The following EIF1AD variants were observed in gnomAD, a reference collection of about 807,000 sequenced individuals.
EIF1AD encodes the protein eukaryotic translation initiation factor 1A domain containing.
EIF1AD carries 9 observed loss-of-function variants against 21.7 expected under a neutral mutation model. The ratio of observed to expected loss-of-function variants is 0.41; its 90% CI spans 0.25 to 0.72. The LOEUF (loss-of-function observed/expected upper bound fraction) is 0.72, where lower values mean the gene tolerates loss of function less well. Among genes scored for constraint, EIF1AD ranks in the 30% least tolerant of loss-of-function variants. The probability of loss-of-function intolerance (pLI) is 0.29; values close to 1 mark genes in which losing one functional copy is unlikely to be tolerated. For synonymous variants in EIF1AD, 78 were observed against 70.9 expected (o/e 1.10, Z -0.50); for missense variants, 164 against 199.7 (o/e 0.82, Z 1.08).
chr11:65,999,407 G>C lies in EIF1AD; in HGVS notation c.306-10C>G. On this transcript the variant is annotated splice_polypyrimidine_tract_variant and intron_variant, in intron 4 of 5. Transcript: ENST00000533544. ...AGAGAAGGCCTCAGGCCTATGCCAA[G>C]AGATGAGCCAAAGTCAGAAAGGACA... 6.2e-7 allele frequency: 1 copy of C among 1,614,248 alleles called. No individual in the cohort carries two copies. Among genetic ancestry groups the C allele is most frequent in the Non-Finnish European group, 8.5e-7 (1 of 1,180,048 alleles).
At position 65,997,288 on chromosome 11, in the gene EIF1AD, C is replaced by T. The variant is rs184834964; in HGVS notation, c.*1311G>A. The T allele has an allele frequency of 3.5e-5, 5 of 142,066 alleles. No homozygotes were observed. The highest frequency in any genetic ancestry group is 7.5e-5 in the Non-Finnish European group (5 of 66,630). 8.8% of individuals were successfully genotyped at this position (142,066 alleles called of 1,614,324 possible). On this transcript the variant is annotated 3_prime_UTR_variant, in exon 6 of 6. Transcript: ENST00000533544. ...GTTACAGTGAGCCGAGATCACACCA[C>T]TGCACTCCAGCCTGAGCAACACAGG...
rs1194593999 is a variant in EIF1AD at position 65,998,565 on chromosome 11, TC to T, written c.*33del. ...CAAGCCCAGAAGAGCCAGGGGCCAG[TC>T]CCTGAGCAAGTGGAGAATTGGGTCC... is the stretch of plus-strand genomic sequence containing the variant. On this transcript the variant is annotated 3_prime_UTR_variant, in exon 6 of 6. Coordinates refer to ENST00000533544, the MANE Select transcript of EIF1AD (RefSeq NM_001242481.2). 7.5e-6 allele frequency: 12 copies of T among 1,609,974 alleles called. No homozygotes were observed. Among genetic ancestry groups the T allele is most frequent in the Non-Finnish European group, 1.0e-5 (12 of 1,178,390 alleles).
At position 65,997,646 on chromosome 11, in the gene EIF1AD, T is replaced by C. The variant is rs1855778728; in HGVS notation, c.*953A>G. 1 of 152,250 alleles carries C rather than the reference T, an allele frequency of 6.6e-6. No individual in the cohort carries two copies. The highest frequency in any genetic ancestry group is 2.1e-4 in the South Asian group (1 of 4,826). 9.4% of individuals were successfully genotyped at this position (152,250 alleles called of 1,614,324 possible). A position where few individuals can be genotyped will look rare whatever the true frequency, so the allele number is the denominator to read the frequency against. ...CCAGGCTGGCTGTTTTCTCACCTAA[T>C]GATGGTGACTTGGGTTTGGGCACAG... On this transcript the variant is annotated 3_prime_UTR_variant, in exon 6 of 6. Coordinates refer to ENST00000533544, the MANE Select transcript of EIF1AD (RefSeq NM_001242481.2).
chr11:65,996,894 T>C lies in EIF1AD; in HGVS notation c.*1705A>G, dbSNP rs1009701991. ...AACACAAATACCCGACCAAAGTCTT[T>C]AAGAAAGCAAAAGAGGCCGGGCACA... On this transcript the variant is annotated 3_prime_UTR_variant, in exon 6 of 6. Transcript: ENST00000533544. The C allele has an allele frequency of 2.6e-5, 4 of 152,130 alleles. No homozygotes were observed. Among genetic ancestry groups the C allele is most frequent in the East Asian group, 3.8e-4 (2 of 5,202 alleles). 9.4% of individuals were successfully genotyped at this position (152,130 alleles called of 1,614,324 possible). A position where few individuals can be genotyped will look rare whatever the true frequency, so the allele number is the denominator to read the frequency against.
intron 3 of EIF1AD, 164 bp downstream of exon 3, chr11:65,999,889 T>TCTCAGGC: frequency 3.1e-6 from 2 of 655,106 alleles, no homozygotes; most frequent in Non-Finnish European, 5.2e-6. Flanking sequence ...CTCAAGTGAT[T>TCTCAGGC]CTCAGGCCTC....
rs767672716 is a variant in EIF1AD at position 65,997,494 on chromosome 11, A to T, written c.*1105T>A. 12 of 152,200 alleles carry T rather than the reference A, an allele frequency of 7.9e-5. No individual in the cohort carries two copies. The highest frequency in any genetic ancestry group is 1.2e-4 in the Non-Finnish European group (8 of 68,044). 9.4% of individuals were successfully genotyped at this position (152,200 alleles called of 1,614,324 possible). On this transcript the variant is annotated 3_prime_UTR_variant, in exon 6 of 6. Transcript: ENST00000533544. Reference sequence around the variant, plus strand: ...TCTTAATGAGGCATGTGTTGTGGTAACTACCACAAGGGGGAATTGATAGAT... The same window carrying T: ...TCTTAATGAGGCATGTGTTGTGGTATCTACCACAAGGGGGAATTGATAGAT...
chr11:66,000,265 G>T, intron 2 of EIF1AD, 38 bp downstream of exon 2: 2 of 1,612,640 alleles, frequency 1.2e-6, no homozygotes, highest in Non-Finnish European at 1.7e-6. Context: ...GGGCTGCAGG[G>T]GTGGGGAGCA....
chr11:65,999,896 C>T, intron 3 of EIF1AD, 157 bp downstream of exon 3: 1 of 661,090 alleles, frequency 1.5e-6, no homozygotes, highest in South Asian at 1.9e-5. Flanking sequence ...GATTCTCAGG[C>T]CTCAGCCTCC....
In EIF1AD at chr11:66,000,477, C is replaced by G. The variant is rs1565060106; in HGVS notation, c.-88G>C. On this transcript the variant is annotated 5_prime_UTR_variant, in exon 2 of 6. Coordinates refer to ENST00000533544, the MANE Select transcript of EIF1AD (RefSeq NM_001242481.2). Reference sequence around the variant, plus strand: ...TGGATGGCAGGCTCAGAACCCAGGACTGTTCTGAAGATGGGGAGGGGCCTT... The same window carrying G: ...TGGATGGCAGGCTCAGAACCCAGGAGTGTTCTGAAGATGGGGAGGGGCCTT... 5.1e-6 allele frequency: 7 copies of G among 1,363,790 alleles called. No homozygotes were observed. The South Asian group carries it at 8.7e-5, about 17-fold the overall frequency. 84.5% of individuals were successfully genotyped at this position (1,363,790 alleles called of 1,614,324 possible). A position where few individuals can be genotyped will look rare whatever the true frequency, so the allele number is the denominator to read the frequency against.
At chr11:66,000,670 C>T in intron 1 of EIF1AD, 165 bp from the exon 2 acceptor site, 1 of 336,374 alleles carries the variant, frequency 3.0e-6, no homozygotes, top group Middle Eastern at 8.6e-4. Context: ...GCCACCACTT[C>T]TCCTGTTGGC....
chr11:66,000,455 A>G lies in EIF1AD; in HGVS notation c.-66T>C, dbSNP rs1266188541. The stretch of plus-strand genomic sequence containing the variant: ...CAACTCCTCCTCCTGAGTTCCTTGG[A>G]TGGCAGGCTCAGAACCCAGGACTGT... On this transcript the variant is annotated 5_prime_UTR_variant, in exon 2 of 6. Transcript: ENST00000533544. 18 of 1,506,592 alleles carry G rather than the reference A, an allele frequency of 1.2e-5. No homozygotes were observed. The highest frequency in any genetic ancestry group is 1.4e-5 in the Non-Finnish European group (16 of 1,107,906). 93.3% of individuals were successfully genotyped at this position (1,506,592 alleles called of 1,614,324 possible).
rs1359917145 is a variant in EIF1AD at position 65,996,760 on chromosome 11, TC to T, written c.*1838del. On this transcript the variant is annotated 3_prime_UTR_variant, in exon 6 of 6. Transcript: ENST00000533544. ...AGAAATGGGAGATTCTACAGCACGC[TC>T]GACACTAACACATCACATCCATAAC... The T allele has an allele frequency of 2.0e-5, 3 of 152,088 alleles. No individual in the cohort carries two copies. Among genetic ancestry groups the T allele is most frequent in the Non-Finnish European group, 4.4e-5 (3 of 68,030 alleles). The allele number at this position is 152,088 out of a possible 1,614,324, so 9.4% of individuals were successfully genotyped here.
At chr11:66,001,342 A>C (rs1483196547) in intron 1 of EIF1AD, among the ~76,000 whole-genome samples, 2 of 151,888 alleles carry the variant, frequency 1.3e-5, no homozygotes, top group Non-Finnish European at 2.9e-5. Flanking sequence ...CGTGATGACG[A>C]GCGCCTGTAG....
In EIF1AD at chr11:65,998,659, G is replaced by A. The variant is rs778970828; in HGVS notation, c.438C>T (p.Asn146=). The change falls in exon 6 of 6, where the codon AAC becomes AAT. Residue 146 remains asparagine, a synonymous_variant. Coordinates refer to ENST00000533544, the MANE Select transcript of EIF1AD (RefSeq NM_001242481.2). The stretch of plus-strand genomic sequence containing the variant: ...TCTCATGATACTGTCTGCGGTTTGT[G>A]TTAACAAACAGGTCAGAATCATCTT... ...SSEDDSDLFV[N]TNRRQYHESE... 6.2e-7 allele frequency: 1 copy of A among 1,614,138 alleles called. No homozygotes were observed. The highest frequency in any genetic ancestry group is 1.3e-5 in the African/African-American group (1 of 75,026).
chr11:65,999,528 C>T (rs1451037256), intron 4 of EIF1AD, 39 bp downstream of exon 4: 33 of 1,596,540 alleles, frequency 2.1e-5, no homozygotes, highest in Non-Finnish European at 2.8e-5. Context: ...GGCAATGCCT[C>T]CAGAAGCCAG....
chr11:66,000,446 G>A lies in EIF1AD; in HGVS notation c.-57C>T. Reference sequence around the variant, plus strand: ...AGAGACTGTCAACTCCTCCTCCTGAGTTCCTTGGATGGCAGGCTCAGAACC... The same window carrying A: ...AGAGACTGTCAACTCCTCCTCCTGAATTCCTTGGATGGCAGGCTCAGAACC... On this transcript the variant is annotated 5_prime_UTR_variant, in exon 2 of 6. Coordinates refer to ENST00000533544, the MANE Select transcript of EIF1AD (RefSeq NM_001242481.2). 6.5e-7 allele frequency: 1 copy of A among 1,534,722 alleles called. No homozygotes were observed. The highest frequency in any genetic ancestry group is 1.2e-5 in the South Asian group (1 of 84,348).
intron 5 of EIF1AD, among the ~76,000 whole-genome samples, chr11:65,999,021 A>G (rs1855833690): frequency 1.3e-5 from 2 of 152,244 alleles, no homozygotes; most frequent in Admixed American, 6.5e-5. Context: ...TAATGGACCC[A>G]TATCACATAA....
chr11:65,999,592 G>A lies in EIF1AD; in HGVS notation c.280C>T (p.Arg94Cys), dbSNP rs377762380. Residue 94 changes from arginine (R) to cysteine (C), a missense_variant, in exon 4 of 6, where the codon CGC (arginine) becomes TGC (cysteine). By Grantham distance (180) the Arg-to-Cys change is radical. Coordinates refer to ENST00000533544, the MANE Select transcript of EIF1AD (RefSeq NM_001242481.2). ...CAAAACCCCTCCTTCTGCAGAGAGC[G>A]CACGTGGTCCTTGCAGAGCACAAAC... ...ISFVLCKDHV[R>C]SLQKEGFWPE... 2.0e-5 allele frequency: 33 copies of A among 1,613,594 alleles called. No homozygotes were observed. Among genetic ancestry groups the A allele is most frequent in the South Asian group, 2.2e-5 (2 of 91,064 alleles).
chr11:65,998,779 C>CTGGG, intron 5 of EIF1AD, 36 bp from the exon 6 acceptor site: 1 of 1,599,878 alleles, frequency 6.3e-7, no homozygotes, highest in Non-Finnish European at 8.5e-7. Context: ...TAGCCCAGCG[C>CTGGG]CTTCTGGGAA....
Sources: allele counts gnomAD v4.1 joint callset (sites outside exome capture counted in the v4.1 genomes callset), GRCh38; gene constraint gnomAD v4.1.1; transcripts MANE v1.5; gene names NCBI Gene and HGNC (gene_info 2026-07-23, HGNC 2026-07-21).